CDC5L: variants seen among roughly 807,000 people sequenced by gnomAD.
CDC5L encodes the protein cell division cycle 5-like protein.
In CDC5L, 18 loss-of-function variants were observed where a neutral mutation model predicts 104.1. That is an observed-to-expected ratio of 0.17 (90% CI 0.12 to 0.26). CDC5L has a LOEUF of 0.26. Among genes scored for constraint, CDC5L ranks in the 10% least tolerant of loss-of-function variants. CDC5L has a pLI of 1.00. For missense variants in CDC5L, 673 were observed against 956.9 expected, an observed-to-expected ratio of 0.70 and a Z score of 3.91; for synonymous variants, 331 against 322.7, an observed-to-expected ratio of 1.03 and a Z score of -0.28.
chr6:44,404,944 C>T (rs989982240), intron 6 of CDC5L, among the ~76,000 whole-genome samples: 7 of 152,098 alleles, frequency 4.6e-5, no homozygotes, highest in Admixed American at 1.3e-4. Flanking sequence ...CCTCCCTTTG[C>T]GTCCCTCACA....
chr6:44,426,861 T>A (rs1382565317), intron 13 of CDC5L, 137 bp downstream of exon 13: 3 of 816,450 alleles, frequency 3.7e-6, no homozygotes, highest in Non-Finnish European at 5.9e-6. Context: ...GATGCATGTT[T>A]AGATTAAGTG....
At chr6:44,438,997 G>T (rs1302162155) in intron 14 of CDC5L, among the ~76,000 whole-genome samples, 1 of 152,118 alleles carries the variant, frequency 6.6e-6, no homozygotes, top group African/African-American at 2.4e-5. Flanking sequence ...TTCTGTATCA[G>T]CAGTTACTCC....
At chr6:44,428,227 T>C (rs1280411726) in intron 13 of CDC5L, among the ~76,000 whole-genome samples, 1 of 152,242 alleles carries the variant, frequency 6.6e-6, no homozygotes, top group East Asian at 1.9e-4. Context: ...CTTTAAGATA[T>C]GTTAACATTG....
intron 4 of CDC5L, among the ~76,000 whole-genome samples, chr6:44,394,312 G>A (rs887707642): frequency 6.6e-6 from 1 of 152,170 alleles, no homozygotes; most frequent in Non-Finnish European, 1.5e-5. Context: ...TCAGAGGCTA[G>A]AGGTGAGCCC....
rs548506785 is a variant in CDC5L at position 44,438,338 on chromosome 6, G to A, written c.2092-7317G>A. 2.6e-5 allele frequency among the ~76,000 whole-genome samples: 4 copies of A among 152,260 alleles called. No individual in the cohort carries two copies. In the South Asian group the frequency reaches 8.3e-4, roughly 32 times the overall value. On this transcript the variant is annotated intron_variant, in intron 14 of 15. Transcript: ENST00000371477. ...TATTGGAAATGAGGACTTTTTGGTAGATATAGTTGAGAAAACAACTGATAC... is the reference window on the plus strand; with the variant it reads ...TATTGGAAATGAGGACTTTTTGGTAAATATAGTTGAGAAAACAACTGATAC...
chr6:44,444,106 A>G (rs567688449), intron 14 of CDC5L, among the ~76,000 whole-genome samples: 2 of 152,306 alleles, frequency 1.3e-5, no homozygotes, highest in South Asian at 2.1e-4. Context: ...AGCCAGATGC[A>G]TAGATGTAGC....
chr6:44,392,757 T>G lies in CDC5L; in HGVS notation c.240T>G (p.Thr80=), dbSNP rs1316109577. The change falls in exon 3 of 16, where the codon ACT becomes ACG. Residue 80 remains threonine, a synonymous_variant. Coordinates refer to ENST00000371477, the MANE Select transcript of CDC5L (RefSeq NM_001253.4). ...KLLHLAKLMP[T]QWRTIAPIIG... is the part of the protein sequence containing the mutation. ...TGCACTTGGCCAAGTTGATGCCAAC[T>G]CAGTGGAGGACCATTGCTCCAATCA... 1.2e-6 allele frequency: 2 copies of G among 1,614,158 alleles called. No homozygotes were observed. Among genetic ancestry groups the G allele is most frequent in the African/African-American group, 2.7e-5 (2 of 75,062 alleles).
intron 1 of CDC5L, among the ~76,000 whole-genome samples, chr6:44,388,094 A>T (rs970053720): frequency 1.3e-5 from 2 of 148,768 alleles, no homozygotes; most frequent in African/African-American, 5.0e-5. Context: ...CTCCAAGCTC[A>T]CTTGTTAGGC....
At chr6:44,394,110 C>A (rs551461203) in intron 4 of CDC5L, among the ~76,000 whole-genome samples, 1 of 151,954 alleles carries the variant, frequency 6.6e-6, no homozygotes, top group African/African-American at 2.4e-5. Flanking sequence ...TTAAGTGTTA[C>A]GGGGTGTGGT....
chr6:44,413,790 G>T (rs4134405), intron 8 of CDC5L, among the ~76,000 whole-genome samples: 2 of 151,860 alleles, frequency 1.3e-5, no homozygotes, highest in Non-Finnish European at 2.9e-5. Flanking sequence ...TCACTGTGTC[G>T]CCCAGGCTGG....
chr6:44,392,715 A>G lies in CDC5L; in HGVS notation c.198A>G (p.Glu66=), dbSNP rs1227399442. The change falls in exon 3 of 16, where the codon GAA becomes GAG. Residue 66 remains glutamate (E), a synonymous_variant. Transcript: ENST00000371477. ...TTAAGAAGACAGAATGGTCCAGAGA[A>G]GAAGAGGAAAAACTCTTGCACTTGG... ...PSIKKTEWSR[E]EEEKLLHLAK... is the part of the protein sequence containing the mutation. 5.6e-6 allele frequency: 9 copies of G among 1,614,052 alleles called. No individual in the cohort carries two copies. The highest frequency in any genetic ancestry group is 5.0e-5 in the Admixed American group (3 of 60,010).
At chr6:44,401,704 G>T (rs1791134448) in intron 5 of CDC5L, among the ~76,000 whole-genome samples, 1 of 151,330 alleles carries the variant, frequency 6.6e-6, no homozygotes, top group Non-Finnish European at 1.5e-5. Context: ...TGCACAATGT[G>T]CAGGTTAGTT....
At chr6:44,445,046 T>C (rs1793384511) in intron 14 of CDC5L, among the ~76,000 whole-genome samples, 1 of 152,112 alleles carries the variant, frequency 6.6e-6, no homozygotes, top group Non-Finnish European at 1.5e-5. Flanking sequence ...CAGGGAGAAA[T>C]GTGGAGCTTC....
chr6:44,388,448 C>A (rs1036215205), intron 1 of CDC5L, among the ~76,000 whole-genome samples: 5 of 152,092 alleles, frequency 3.3e-5, no homozygotes, highest in African/African-American at 1.2e-4. Flanking sequence ...CTGTCACTGC[C>A]TTTGCCTAGA....
chr6:44,402,595 A>G (rs1791182010), intron 5 of CDC5L, among the ~76,000 whole-genome samples: 1 of 152,202 alleles, frequency 6.6e-6, no homozygotes, highest in Non-Finnish European at 1.5e-5. Flanking sequence ...TTTTCTTATC[A>G]CGAAATCATT....
At chr6:44,402,989 G>A (rs1389865475) in intron 5 of CDC5L, among the ~76,000 whole-genome samples, 1 of 152,146 alleles carries the variant, frequency 6.6e-6, no homozygotes. Flanking sequence ...CTTGTTCATG[G>A]TGTAACTTAT....
At chr6:44,445,901 A>G in intron 15 of CDC5L, 34 bp downstream of exon 15, 2 of 1,490,034 alleles carry the variant, frequency 1.3e-6, no homozygotes, top group African/African-American at 1.4e-5. Flanking sequence ...GTTTAAAAAG[A>G]GTGCTGCAAA....
intron 14 of CDC5L, among the ~76,000 whole-genome samples, chr6:44,437,114 G>A (rs1487149113): frequency 3.3e-5 from 5 of 152,162 alleles, no homozygotes; most frequent in Admixed American, 2.0e-4. Context: ...TGAATTTTAG[G>A]AAATAAAGTT....
At chr6:44,408,938 TAGAA>T (rs1408073413) in intron 8 of CDC5L, among the ~76,000 whole-genome samples, 1 of 152,212 alleles carries the variant, frequency 6.6e-6, no homozygotes, top group Non-Finnish European at 1.5e-5. Context: ...CTGCCAATCC[TAGAA>T]AGAAAGAAAT....
Sources: allele counts gnomAD v4.1 joint callset (sites outside exome capture counted in the v4.1 genomes callset), GRCh38; gene constraint gnomAD v4.1.1; transcripts MANE v1.5; gene names NCBI Gene and HGNC (gene_info 2026-07-23, HGNC 2026-07-21).